Variants in NKAIN3 observed in about 807,000 individuals in gnomAD.
The protein encoded by NKAIN3 is sodium/potassium transporting ATPase interacting 3.
NKAIN3 carries 25 observed loss-of-function variants against 30.2 expected under a neutral mutation model. The ratio of observed to expected loss-of-function variants is 0.83; its 90% CI spans 0.60 to 1.16. The LOEUF (loss-of-function observed/expected upper bound fraction) is 1.16, where lower values mean the gene tolerates loss of function less well. Among genes scored for constraint, NKAIN3 ranks in the 50% most tolerant of loss-of-function variants. The probability of loss-of-function intolerance (pLI) is 0.00; values close to 1 mark genes in which losing one functional copy is unlikely to be tolerated. For synonymous variants in NKAIN3, 91 were observed against 89.6 expected (o/e 1.02, Z -0.09); for missense variants, 225 against 254.1 (o/e 0.89, Z 0.78).
At chr8:62,286,219 T>G (rs1813375530) in intron 1 of NKAIN3, among the ~76,000 whole-genome samples, 1 of 152,184 alleles carries the variant, frequency 6.6e-6, no homozygotes, top group African/African-American at 2.4e-5. Context: ...CTAACCCCTT[T>G]GTAATAAATT....
rs993316546 is a variant in NKAIN3 at position 62,466,175 on chromosome 8, G to A, written c.55-113364G>A. Among the ~76,000 whole-genome samples, 4 of 151,990 alleles carry A rather than the reference G, an allele frequency of 2.6e-5. No individual in the cohort carries two copies. In the South Asian group the frequency reaches 6.2e-4, roughly 24 times the overall value. On this transcript the variant is annotated intron_variant, in intron 1 of 6. Transcript: ENST00000623646. Reference sequence around the variant, plus strand: ...CTTAACGAAAGTTCAAGTTAATAATGTATTATTATTATTATTGAAGGTTTT... The same window carrying A: ...CTTAACGAAAGTTCAAGTTAATAATATATTATTATTATTATTGAAGGTTTT...
intron 4 of NKAIN3, among the ~76,000 whole-genome samples, chr8:62,850,325 G>A (rs190932612): frequency 0.02 from 2,998 of 152,070 alleles, 97 homozygotes; most frequent in African/African-American, 0.068. Context: ...TTGTAAATTT[G>A]TTGGAGTTCA....
intron 3 of NKAIN3, among the ~76,000 whole-genome samples, chr8:62,596,961 C>T (rs1219568595): frequency 2.0e-5 from 3 of 152,076 alleles, no homozygotes; most frequent in African/African-American, 7.2e-5. Flanking sequence ...CTGACAGCCA[C>T]AAGTCTTCTT....
In NKAIN3 at chr8:62,345,530, TAC is replaced by T. The variant is rs758181917; in HGVS notation, c.54+96409_54+96410del. On this transcript the variant is annotated intron_variant, in intron 1 of 6. Coordinates refer to ENST00000623646, the MANE Select transcript of NKAIN3 (RefSeq NM_001304533.3). ...ACATATATACACATATATGTATATA[TAC>T]ACACATATATACACATATATGTATA... Among the ~76,000 whole-genome samples the T allele has an allele frequency of 1.2e-3, 136 of 113,268 alleles. 4 individuals carry two copies. The East Asian group carries it at 0.012, about 10-fold the overall frequency. 74.3% of individuals were successfully genotyped at this position (113,268 alleles called of 152,430 possible). A position where few individuals can be genotyped will look rare whatever the true frequency, so the allele number is the denominator to read the frequency against.
intron 5 of NKAIN3, among the ~76,000 whole-genome samples, chr8:62,932,540 G>A (rs757845180): frequency 6.6e-6 from 1 of 152,164 alleles, no homozygotes; most frequent in Non-Finnish European, 1.5e-5. Context: ...GGGAAAATAA[G>A]CTATAATAGC....
intron 1 of NKAIN3, among the ~76,000 whole-genome samples, chr8:62,538,304 AGCAAGGAC>A (rs1040956371): frequency 3.3e-5 from 5 of 152,066 alleles, no homozygotes; most frequent in African/African-American, 1.2e-4. Context: ...ACTCCTGAGT[AGCAAGGAC>A]CATAGGCACC....
chr8:62,684,021 C>T (rs1158295779), intron 3 of NKAIN3, among the ~76,000 whole-genome samples: 2 of 152,148 alleles, frequency 1.3e-5, no homozygotes, highest in South Asian at 2.1e-4. Flanking sequence ...CTGCCCAACT[C>T]CCACTACAAC....
At chr8:62,992,566 T>A (rs996409156) in intron 5 of NKAIN3, among the ~76,000 whole-genome samples, 1 of 151,918 alleles carries the variant, frequency 6.6e-6, no homozygotes. Context: ...CCCCTCCAAG[T>A]GTTAGTGTTC....
chr8:62,304,633 T>C (rs887884300), intron 1 of NKAIN3, among the ~76,000 whole-genome samples: 1 of 150,458 alleles, frequency 6.6e-6, no homozygotes, highest in African/African-American at 2.5e-5. Flanking sequence ...CCAGCAGGTA[T>C]GAAGTACTAG....
chr8:62,953,039 T>C (rs544542876), intron 5 of NKAIN3, among the ~76,000 whole-genome samples: 1 of 152,148 alleles, frequency 6.6e-6, no homozygotes, highest in African/African-American at 2.4e-5. Flanking sequence ...AAAATGCTAC[T>C]CTGTATGGAG....
chr8:62,673,401 A>G (rs1813370881), intron 3 of NKAIN3, among the ~76,000 whole-genome samples: 1 of 152,206 alleles, frequency 6.6e-6, no homozygotes, highest in Admixed American at 6.5e-5. Flanking sequence ...AAAAGAGAGA[A>G]GTGTTTCAAG....
chr8:62,740,064 A>G (rs1483553514), intron 3 of NKAIN3, among the ~76,000 whole-genome samples: 1 of 152,202 alleles, frequency 6.6e-6, no homozygotes, highest in East Asian at 1.9e-4. Context: ...CCTTTGTATT[A>G]CAAGCTCCAA....
intron 1 of NKAIN3, among the ~76,000 whole-genome samples, chr8:62,449,114 CT>C (rs1485178494): frequency 6.6e-6 from 1 of 151,982 alleles, no homozygotes; most frequent in East Asian, 1.9e-4. Flanking sequence ...CTCAAAATCC[CT>C]TTTTTAATGT....
At chr8:62,962,453 T>G (rs1823595953) in intron 6 of NKAIN3, among the ~76,000 whole-genome samples, 1 of 152,220 alleles carries the variant, frequency 6.6e-6, no homozygotes, top group South Asian at 2.1e-4. Flanking sequence ...TTTGTCAATT[T>G]TGATAGGTAT....
At chr8:62,960,734 A>AGCACACAC (rs1325000274) in intron 6 of NKAIN3, among the ~76,000 whole-genome samples, 2 of 63,454 alleles carry the variant, frequency 3.2e-5, no homozygotes, top group African/African-American at 2.1e-4. Flanking sequence ...GCAGGAAAAA[A>AGCACACAC]GCACACACAC....
At chr8:62,298,053 C>T (rs1220512995) in intron 1 of NKAIN3, among the ~76,000 whole-genome samples, 1 of 151,666 alleles carries the variant, frequency 6.6e-6, no homozygotes, top group African/African-American at 2.4e-5. Flanking sequence ...AATCATCATT[C>T]TCAGTAAACT....
rs1214202772 is a variant in NKAIN3, at chr8:62,579,727, A to G, written c.192+51A>G. The G allele has an allele frequency of 2.0e-5, 22 of 1,073,892 alleles. 1 individual carries two copies. The highest frequency in any genetic ancestry group is 2.4e-4 in the Middle Eastern group (1 of 4,126). The allele number at this position is 1,073,892 out of a possible 1,614,324, so 66.5% of individuals were successfully genotyped here. A position where few individuals can be genotyped will look rare whatever the true frequency, so the allele number is the denominator to read the frequency against. ...TTCATATAAACAATTCAAAATTTCT[A>G]TAAGAATATAAATAAAATATTTCTA... On this transcript the variant is annotated intron_variant, in intron 2 of 6. Coordinates refer to ENST00000623646, the MANE Select transcript of NKAIN3 (RefSeq NM_001304533.3).
chr8:62,976,153 A>G lies in NKAIN3; in HGVS notation c.*10746A>G, dbSNP rs1257358345. ...TGCTATGTGATGCTGAGGAGAATGT[A>G]TATTCTGTTGATTTGGGGTGGAGAG... On this transcript the variant is annotated 3_prime_UTR_variant, in exon 7 of 7. Coordinates refer to ENST00000623646, the MANE Select transcript of NKAIN3 (RefSeq NM_001304533.3). Among the ~76,000 whole-genome samples, 1 of 151,998 alleles carries G rather than the reference A, an allele frequency of 6.6e-6. No homozygotes were observed. Among genetic ancestry groups the G allele is most frequent in the African/African-American group, 2.4e-5 (1 of 41,378 alleles).
At chr8:62,561,847 A>T (rs1220491995) in intron 1 of NKAIN3, among the ~76,000 whole-genome samples, 1 of 152,192 alleles carries the variant, frequency 6.6e-6, no homozygotes, top group Non-Finnish European at 1.5e-5. Flanking sequence ...AACATAGGTC[A>T]TAGCATTGTA....
Sources: allele counts gnomAD v4.1 joint callset (sites outside exome capture counted in the v4.1 genomes callset), GRCh38; gene constraint gnomAD v4.1.1; transcripts MANE v1.5; gene names NCBI Gene and HGNC (gene_info 2026-07-23, HGNC 2026-07-21).